Variants in INTS2 observed in about 807,000 individuals in gnomAD.
INTS2 encodes integrator complex subunit 2.
A neutral mutation model predicts 139.6 loss-of-function variants in INTS2; 57 were observed. The observed-to-expected ratio is 0.41, with a 90% CI of 0.33 to 0.51. The LOEUF (loss-of-function observed/expected upper bound fraction) is 0.51. Ranked by LOEUF, INTS2 falls within the 20% of genes least tolerant of loss-of-function variation. The pLI is 0.28. For missense variants in INTS2, 1,196 were observed against 1,436.7 expected (o/e 0.83, Z 2.71); for synonymous variants, 473 against 493.4 (o/e 0.96, Z 0.55).
At chr17:61,906,093 C>T (rs1207729301) in intron 8 of INTS2, among the ~76,000 whole-genome samples, 1 of 152,026 alleles carries the variant, frequency 6.6e-6, no homozygotes, top group Non-Finnish European at 1.5e-5. Context: ...AACATGAGTT[C>T]ATTATGGAGA....
At position 61,869,269 on chromosome 17, in the gene INTS2, T is replaced by A; in HGVS notation, c.3138+4A>T. ...TTGTCCTAAAGCTCCAAAATGCTCA[T>A]TACCTGTTTCTCAAGTTCTGGCTGT... On this transcript the variant is annotated splice_donor_region_variant and intron_variant, in intron 22 of 24. Coordinates refer to ENST00000251334, the MANE Select transcript of INTS2 (RefSeq NM_001351695.2). This position sits in a 1 kb window ranked among gnomAD's most constrained non-coding sequence, Gnocchi z 5.4. 6.3e-7 allele frequency: 1 copy of A among 1,590,110 alleles called. No homozygotes were observed. The highest frequency in any genetic ancestry group is 2.3e-5 in the East Asian group (1 of 44,398).
intron 15 of INTS2, 84 bp downstream of exon 15, chr17:61,889,702 T>C: frequency 1.5e-6 from 1 of 663,118 alleles, no homozygotes; most frequent in Non-Finnish European, 2.6e-6. Context: ...ATATTGCCCT[T>C]ATCAAAGAAC....
At chr17:61,892,374 G>A (rs1475695022) in intron 13 of INTS2, among the ~76,000 whole-genome samples, 3 of 152,142 alleles carry the variant, frequency 2.0e-5, no homozygotes, top group Non-Finnish European at 4.4e-5. Flanking sequence ...TCTTTAGAGG[G>A]CCTTTTAACT....
At chr17:61,891,011 A>C (rs1464387297) in intron 14 of INTS2, among the ~76,000 whole-genome samples, 1 of 95,394 alleles carries the variant, frequency 1.0e-5, no homozygotes, top group South Asian at 3.2e-4. Flanking sequence ...AAAAAAAAAA[A>C]GGCCAGGCAC....
At position 61,897,314 on chromosome 17, in the gene INTS2, T is replaced by C. The variant is rs2079359739; in HGVS notation, c.1494+155A>G. On this transcript the variant is annotated intron_variant, in intron 11 of 24. Coordinates refer to ENST00000251334, the MANE Select transcript of INTS2 (RefSeq NM_001351695.2). The surrounding 1 kb of genome is among the most constrained non-coding windows in gnomAD (Gnocchi z 4.4). ...CATGAGTATCTATTATTTTAGTAAA[T>C]ACAGGTTTCAAAATGCATTTTTCTA... Among the ~76,000 whole-genome samples, 1 of 152,140 alleles carries C rather than the reference T, an allele frequency of 6.6e-6. No individual in the cohort carries two copies. The highest frequency in any genetic ancestry group is 2.4e-5 in the African/African-American group (1 of 41,446).
chr17:61,907,393 C>CA lies in INTS2; in HGVS notation c.1181+14dup, dbSNP rs756395471. On this transcript the variant is annotated intron_variant, in intron 8 of 24. Transcript: ENST00000251334. Reference sequence around the variant, plus strand: ...GTAAAATGACAAAAAGGTAAAATATCAAACTATTGAATACTTGAGTCCAGC... The same window carrying CA: ...GTAAAATGACAAAAAGGTAAAATATCAAAACTATTGAATACTTGAGTCCAGC... 6.5e-7 allele frequency: 1 copy of CA among 1,547,386 alleles called. No homozygotes were observed. Among genetic ancestry groups the CA allele is most frequent in the East Asian group, 2.4e-5 (1 of 41,790 alleles).
At chr17:61,900,601 G>A (rs2079394480) in intron 9 of INTS2, among the ~76,000 whole-genome samples, 1 of 152,146 alleles carries the variant, frequency 6.6e-6, no homozygotes. Context: ...CAGCCCAAGA[G>A]TTTCCCAAAG....
intron 3 of INTS2, 81 bp downstream of exon 3, chr17:61,924,880 T>A (rs1239512377): frequency 7.0e-7 from 1 of 1,419,000 alleles, no homozygotes; most frequent in Non-Finnish European, 9.7e-7. Flanking sequence ...CTGCCTGACT[T>A]CTTGTCTCTT....
At position 61,865,973 on chromosome 17, in the gene INTS2, G is replaced by A. The variant is rs548820270; in HGVS notation, c.*1584C>T. 8 of 152,606 alleles carry A rather than the reference G, an allele frequency of 5.2e-5. No individual in the cohort carries two copies. The East Asian group carries it at 1.5e-3, about 29-fold the overall frequency. The allele number at this position is 152,606 out of a possible 1,614,324, so 9.5% of individuals were successfully genotyped here. A position where few individuals can be genotyped will look rare whatever the true frequency, so the allele number is the denominator to read the frequency against. ...CCAGTAGTAACCCCATTTTACAAAG[G>A]AAGAAAATGAGATGTGACTATTTAC... On this transcript the variant is annotated 3_prime_UTR_variant, in exon 25 of 25. Coordinates refer to ENST00000251334, the MANE Select transcript of INTS2 (RefSeq NM_001351695.2). The surrounding 1 kb of genome is among the most constrained non-coding windows in gnomAD (Gnocchi z 4.8).
At chr17:61,887,252 G>GT (rs2079238037) in intron 15 of INTS2, among the ~76,000 whole-genome samples, 1 of 152,130 alleles carries the variant, frequency 6.6e-6, no homozygotes, top group Admixed American at 6.5e-5. Flanking sequence ...GGAGGCCAAG[G>GT]TGGGTGGATG....
At chr17:61,915,211 G>A (rs1244816079) in intron 5 of INTS2, among the ~76,000 whole-genome samples, 6 of 151,894 alleles carry the variant, frequency 4.0e-5, no homozygotes, top group Non-Finnish European at 5.9e-5. Context: ...GGTGGCAGGC[G>A]CCTGTAGTCC....
rs2079082862 is a variant in INTS2, at chr17:61,870,804, G to A, written c.2779-816C>T. On this transcript the variant is annotated intron_variant, in intron 20 of 24. Transcript: ENST00000251334. This position sits in a 1 kb window ranked among gnomAD's most constrained non-coding sequence, Gnocchi z 4.4. ...GTTTTTGGTTATTGTTATTGTTATT[G>A]TTTTGTTTTCTTTTGTTGTTGTTGA... Among the ~76,000 whole-genome samples, 1 of 152,078 alleles carries A rather than the reference G, an allele frequency of 6.6e-6. No individual in the cohort carries two copies. The highest frequency in any genetic ancestry group is 2.4e-5 in the African/African-American group (1 of 41,406).
At chr17:61,877,313 T>C (rs2079135065) in intron 18 of INTS2, among the ~76,000 whole-genome samples, 1 of 152,226 alleles carries the variant, frequency 6.6e-6, no homozygotes, top group Non-Finnish European at 1.5e-5. Context: ...CCTTATATAC[T>C]ACTTAACTTG....
At chr17:61,889,064 C>T (rs796208145) in intron 15 of INTS2, among the ~76,000 whole-genome samples, 18 of 135,610 alleles carry the variant, frequency 1.3e-4, no homozygotes, top group Non-Finnish European at 2.8e-4. Context: ...CAAACCAAAA[C>T]AAAACAAAAA....
At position 61,897,415 on chromosome 17, in the gene INTS2, T is replaced by C. The variant is rs1335820753; in HGVS notation, c.1494+54A>G. The stretch of plus-strand genomic sequence containing the variant: ...ACAATCTATTTACACTACAACAAAA[T>C]GTCCAGCTTAGAAACACCTTTTTTT... On this transcript the variant is annotated intron_variant, in intron 11 of 24. Transcript: ENST00000251334. This position sits in a 1 kb window ranked among gnomAD's most constrained non-coding sequence, Gnocchi z 4.4. 1.4e-5 allele frequency: 14 copies of C among 1,024,856 alleles called. No individual in the cohort carries two copies. The highest frequency in any genetic ancestry group is 2.0e-5 in the Non-Finnish European group (14 of 698,384). The allele number at this position is 1,024,856 out of a possible 1,614,324, so 63.5% of individuals were successfully genotyped here.
intron 5 of INTS2, among the ~76,000 whole-genome samples, chr17:61,914,560 CGTG>C (rs1358424417): frequency 5.3e-5 from 8 of 151,850 alleles, no homozygotes; most frequent in South Asian, 2.1e-4. Flanking sequence ...ATTAGCCGGG[CGTG>C]GTGGTGGCGG....
intron 16 of INTS2, among the ~76,000 whole-genome samples, chr17:61,883,022 A>T (rs1471218141): frequency 1.3e-5 from 2 of 152,200 alleles, no homozygotes; most frequent in African/African-American, 2.4e-5. Context: ...AAGACATCGT[A>T]ACAATCAAAA....
chr17:61,906,481 T>C (rs903490140), intron 8 of INTS2, among the ~76,000 whole-genome samples: 2 of 152,176 alleles, frequency 1.3e-5, no homozygotes, highest in Non-Finnish European at 2.9e-5. Context: ...GTTATTTACT[T>C]AGTGATCTGT....
At chr17:61,892,066 C>T (rs1422615437) in intron 13 of INTS2, among the ~76,000 whole-genome samples, 1 of 151,916 alleles carries the variant, frequency 6.6e-6, no homozygotes, top group Non-Finnish European at 1.5e-5. Context: ...CACAGCAAAC[C>T]CTCAGATAGA....
Sources: allele counts gnomAD v4.1 joint callset (sites outside exome capture counted in the v4.1 genomes callset), GRCh38; gene constraint gnomAD v4.1.1; non-coding constraint Gnocchi (gnomAD v3.1); transcripts MANE v1.5; gene names NCBI Gene and HGNC (gene_info 2026-07-23, HGNC 2026-07-21).